Variants in ZNF260 observed in about 807,000 individuals in gnomAD.
The protein encoded by ZNF260 is zfp-260.
A neutral mutation model predicts 29.3 loss-of-function variants in ZNF260; 21 were observed. That is an observed-to-expected ratio of 0.72 (90% CI 0.51 to 1.03). The LOEUF (loss-of-function observed/expected upper bound fraction) is 1.03. ZNF260 is among the 50% of genes least tolerant of loss of function. The pLI is 0.00. For synonymous variants in ZNF260, 156 were observed against 156.8 expected (o/e 0.99, Z 0.04); for missense variants, 465 against 487.8 (o/e 0.95, Z 0.44).
At chr19:36,517,731 T>G (rs1356047578) in intron 2 of ZNF260, among the ~76,000 whole-genome samples, 1 of 152,056 alleles carries the variant, frequency 6.6e-6, no homozygotes, top group Non-Finnish European at 1.5e-5. Flanking sequence ...GAAGAATGAG[T>G]AAAAGTTTAT....
chr19:36,527,886 G>T (rs1056019343), intron 1 of ZNF260, among the ~76,000 whole-genome samples: 2 of 151,862 alleles, frequency 1.3e-5, no homozygotes, highest in South Asian at 2.1e-4. Flanking sequence ...TCCAGAAAAC[G>T]CATCTTTATT....
chr19:36,519,016 G>A lies in ZNF260; in HGVS notation c.-461-3317C>T, dbSNP rs527561587. On this transcript the variant is annotated intron_variant, in intron 2 of 2. Coordinates refer to ENST00000523638, the MANE Select transcript of ZNF260 (RefSeq NM_001166037.2). ...CTACTGAACTCCGGCTTGGGCAAGA[G>A]TGAGACCTTGTCTTAACAAAAAAAA... Among the ~76,000 whole-genome samples the A allele has an allele frequency of 2.0e-5, 3 of 151,330 alleles. No individual in the cohort carries two copies. The South Asian group carries it at 6.3e-4, about 32-fold the overall frequency.
At position 36,515,094 on chromosome 19, in the gene ZNF260, G is replaced by C; in HGVS notation, c.145C>G (p.His49Asp). Residue 49 changes from histidine to aspartate, a missense_variant, in exon 3 of 3, where the codon CAT becomes GAT. His to Asp is a moderately conservative substitution (Grantham distance 81). Transcript: ENST00000523638. The stretch of plus-strand genomic sequence containing the variant: ...CATTCATGAGATTTCTCTCCAGTAT[G>C]CATTTTCTTATGCTCTACAAGGTTT... Reference protein sequence around the residue: ...KQNLVEHKKMHTGEKSHECTE... With the variant: ...KQNLVEHKKMDTGEKSHECTE... The C allele has an allele frequency of 6.2e-7, 1 of 1,614,082 alleles. No homozygotes were observed. The highest frequency in any genetic ancestry group is 8.5e-7 in the Non-Finnish European group (1 of 1,179,998).
chr19:36,515,010 G>T lies in ZNF260; in HGVS notation c.229C>A (p.His77Asn). The T allele has an allele frequency of 6.2e-7, 1 of 1,614,100 alleles. No individual in the cohort carries two copies. Among genetic ancestry groups the T allele is most frequent in the South Asian group, 1.1e-5 (1 of 91,080 alleles). Reference sequence around the variant, plus strand: ...CATTTATATGCCTTCTTTCCTGTGTGACTTCTAAGGTGTAGAGTAAGAGAT... The same window carrying T: ...CATTTATATGCCTTCTTTCCTGTGTTACTTCTAAGGTGTAGAGTAAGAGAT... ...VSSLTLHLRS[H>N]TGKKAYKCNK... The change falls in exon 3 of 3, where the codon CAC (histidine) becomes AAC (asparagine). Residue 77 changes from histidine (H) to asparagine (N), a missense_variant. Transcript: ENST00000523638.
In ZNF260 at chr19:36,514,848, T is replaced by G. The variant is rs148260314; in HGVS notation, c.391A>C (p.Thr131Pro). 4.5e-5 allele frequency: 72 copies of G among 1,613,998 alleles called. No individual in the cohort carries two copies. Among genetic ancestry groups the G allele is most frequent in the Non-Finnish European group, 5.7e-5 (67 of 1,180,034 alleles). Residue 131 changes from threonine to proline, a missense_variant, in exon 3 of 3, where the codon ACA becomes CCA. Coordinates refer to ENST00000523638, the MANE Select transcript of ZNF260 (RefSeq NM_001166037.2). ...TTACATGCATAGGGTTTGGTTCCTG[T>G]ATGATTTTTCTGGTGTCTGATGATG... ...PTIIRHQKNH[T>P]GTKPYACKEC...
intron 2 of ZNF260, among the ~76,000 whole-genome samples, chr19:36,521,186 A>G (rs2034639984): frequency 6.6e-6 from 1 of 152,186 alleles, no homozygotes; most frequent in Non-Finnish European, 1.5e-5. Flanking sequence ...TTGATTAGAT[A>G]ATGGTATTAT....
intron 2 of ZNF260, among the ~76,000 whole-genome samples, chr19:36,516,654 C>T (rs2034555855): frequency 6.6e-6 from 1 of 152,206 alleles, no homozygotes; most frequent in Admixed American, 6.5e-5. Flanking sequence ...TCTCGGCTCA[C>T]TGCAAGCTCC....
In ZNF260 at chr19:36,521,330, C is replaced by G. The variant is rs78146251; in HGVS notation, c.-462+3825G>C. 2.1e-3 allele frequency among the ~76,000 whole-genome samples: 317 copies of G among 152,234 alleles called. 2 individuals are homozygous for G. The highest frequency in any genetic ancestry group is 7.3e-3 in the African/African-American group (302 of 41,528). On this transcript the variant is annotated intron_variant, in intron 2 of 2. Coordinates refer to ENST00000523638, the MANE Select transcript of ZNF260 (RefSeq NM_001166037.2). ...ATTACATCTCCTTTGTAATTAAAAC[C>G]CTACATCCTTCACACACTTATCAGA...
chr19:36,520,887 G>GC, intron 2 of ZNF260, among the ~76,000 whole-genome samples: 1 of 143,250 alleles, frequency 7.0e-6, no homozygotes, highest in Non-Finnish European at 1.5e-5. Flanking sequence ...AAAAGGACCA[G>GC]CCTGGCCAAC....
rs748515760 is a variant in ZNF260, at chr19:36,514,736, T to A, written c.503A>T (p.Gln168Leu). The A allele has an allele frequency of 6.2e-7, 1 of 1,613,780 alleles. No homozygotes were observed. Among genetic ancestry groups the A allele is most frequent in the Non-Finnish European group, 8.5e-7 (1 of 1,180,018 alleles). Residue 168 changes from glutamine to leucine, a missense_variant, in exon 3 of 3, where the codon CAG (glutamine) becomes CTG (leucine). Transcript: ENST00000523638. ...HTGEKPFECN[Q>L]CGRAFSQKQY... Reference sequence around the variant, plus strand: ...CTTCTGGCTGAAGGCTCTTCCACACTGATTACATTCAAATGGTTTTTCTCC... The same window carrying A: ...CTTCTGGCTGAAGGCTCTTCCACACAGATTACATTCAAATGGTTTTTCTCC...
chr19:36,525,075 CAAAA>C (rs1389626236), intron 2 of ZNF260, 76 bp downstream of exon 2: 1 of 152,288 alleles, frequency 6.6e-6, no homozygotes, highest in Non-Finnish European at 1.5e-5. Context: ...AACAAACAAA[CAAAA>C]AAACCCCACA....
chr19:36,523,192 T>C (rs866096922), intron 2 of ZNF260, among the ~76,000 whole-genome samples: 4 of 151,912 alleles, frequency 2.6e-5, no homozygotes, highest in African/African-American at 9.6e-5. Context: ...TACTTCTCTT[T>C]CAGTCAGATT....
intron 1 of ZNF260, among the ~76,000 whole-genome samples, chr19:36,526,646 C>T (rs1290054993): frequency 6.6e-6 from 1 of 152,008 alleles, no homozygotes; most frequent in Non-Finnish European, 1.5e-5. Flanking sequence ...CGTAATACAA[C>T]GTAAATGTCT....
At chr19:36,525,588 AC>A (rs1027751597) in intron 1 of ZNF260, among the ~76,000 whole-genome samples, 6 of 152,034 alleles carry the variant, frequency 3.9e-5, no homozygotes, top group African/African-American at 1.4e-4. Context: ...GGAGTTCGAG[AC>A]CCGCCTGGCC....
chr19:36,512,791 C>T lies in ZNF260; in HGVS notation c.*1209G>A, dbSNP rs2145736783. The T allele has an allele frequency of 6.6e-6, 1 of 152,260 alleles. No homozygotes were observed. Among genetic ancestry groups the T allele is most frequent in the East Asian group, 1.9e-4 (1 of 5,180 alleles). The allele number at this position is 152,260 out of a possible 1,614,324, so 9.4% of individuals were successfully genotyped here. On this transcript the variant is annotated 3_prime_UTR_variant, in exon 3 of 3. Transcript: ENST00000523638. ...TATGTTACTATCACATTTTATTCAT[C>T]TATTTCACAAGAGACAGCATTTGTT...
Position 36,515,330 on chromosome 19 carries a change from A to C in ZNF260, c.-92T>G. The C allele has an allele frequency of 7.8e-7, 1 of 1,280,060 alleles. No homozygotes were observed. 79.3% of individuals were successfully genotyped at this position (1,280,060 alleles called of 1,614,324 possible). ...CACATTCACTAAATTCATATGGTGT[A>C]TTTTCAATATTAATTCTCAGGTATC... On this transcript the variant is annotated 5_prime_UTR_variant, in exon 3 of 3. Transcript: ENST00000523638.
At chr19:36,521,329 C>T (rs947318814) in intron 2 of ZNF260, among the ~76,000 whole-genome samples, 1 of 152,186 alleles carries the variant, frequency 6.6e-6, no homozygotes, top group African/African-American at 2.4e-5. Flanking sequence ...GTAATTAAAA[C>T]CCTACATCCT....
chr19:36,522,716 C>T (rs2034666664), intron 2 of ZNF260, among the ~76,000 whole-genome samples: 1 of 152,154 alleles, frequency 6.6e-6, no homozygotes, highest in Non-Finnish European at 1.5e-5. Flanking sequence ...TGGCTGAAAC[C>T]AGGTTGCATT....
In ZNF260 at chr19:36,511,353, A is replaced by T. The variant is rs1034299630; in HGVS notation, c.*2647T>A. On this transcript the variant is annotated 3_prime_UTR_variant, in exon 3 of 3. Transcript: ENST00000523638. ...CAGCCTTTGGAGAAACCCCATCTCT[A>T]CTAAAAATACAAAATTAGCCAGGCG... 2 of 152,010 alleles carry T rather than the reference A, an allele frequency of 1.3e-5. No homozygotes were observed. Among genetic ancestry groups the T allele is most frequent in the African/African-American group, 4.8e-5 (2 of 41,380 alleles). The allele number at this position is 152,010 out of a possible 1,614,324, so 9.4% of individuals were successfully genotyped here.
Sources: allele counts gnomAD v4.1 joint callset (sites outside exome capture counted in the v4.1 genomes callset), GRCh38; gene constraint gnomAD v4.1.1; transcripts MANE v1.5; gene names NCBI Gene and HGNC (gene_info 2026-07-23, HGNC 2026-07-21).